TMEM248: variants seen among roughly 807,000 people sequenced by gnomAD.
The protein encoded by TMEM248 is UPF0458 protein C7orf42.
A neutral mutation model predicts 30.3 loss-of-function variants in TMEM248; 9 were observed. That is an observed-to-expected ratio of 0.30 (90% CI 0.18 to 0.52). TMEM248 has a LOEUF of 0.52. Among genes scored for constraint, TMEM248 ranks in the 20% least tolerant of loss-of-function variants. The pLI is 0.97. For missense variants in TMEM248, 338 were observed against 403.3 expected (o/e 0.84, Z 1.39); for synonymous variants, 184 against 154.4 (o/e 1.19, Z -1.42).
chr7:66,948,014 A>G (rs1792157412), intron 3 of TMEM248, among the ~76,000 whole-genome samples: 1 of 152,030 alleles, frequency 6.6e-6, no homozygotes, highest in Non-Finnish European at 1.5e-5. Flanking sequence ...AGCCTTCTAA[A>G]GTCAAAGTGC....
chr7:66,931,603 C>G (rs150086265), intron 1 of TMEM248, among the ~76,000 whole-genome samples: 1 of 151,712 alleles, frequency 6.6e-6, no homozygotes, highest in Admixed American at 6.6e-5. Context: ...TCCCAAGTAG[C>G]TGGGCCATTG....
At chr7:66,923,031 C>T (rs115105432) in intron 1 of TMEM248, among the ~76,000 whole-genome samples, 324 of 152,224 alleles carry the variant, frequency 2.1e-3, no homozygotes, top group African/African-American at 7.1e-3. Flanking sequence ...TTAATAGTTT[C>T]TGCCTGTAAG....
intron 5 of TMEM248, among the ~76,000 whole-genome samples, chr7:66,951,717 G>A (rs201504567): frequency 1.3e-5 from 2 of 151,850 alleles, no homozygotes; most frequent in East Asian, 1.9e-4. Flanking sequence ...TTGCTCTGTC[G>A]CCCAGATTGG....
At chr7:66,922,104 C>G (rs1461000361) in intron 1 of TMEM248, 2 of 152,158 alleles carry the variant, frequency 1.3e-5, no homozygotes, top group African/African-American at 4.8e-5. Context: ...GTGAGGAGGC[C>G]TTTGTGGAAG....
Position 66,935,462 on chromosome 7 carries a change from C to T in TMEM248, c.-18-6386C>T, listed in dbSNP as rs577133216. ...CCTCCCAAAGTGTTGGGATTACAGG[C>T]GTGAGCCACTGCGTCTGGCCCCATT... On this transcript the variant is annotated intron_variant, in intron 1 of 6. Coordinates refer to ENST00000341567, the MANE Select transcript of TMEM248 (RefSeq NM_017994.5). Among the ~76,000 whole-genome samples, 14 of 152,312 alleles carry T rather than the reference C, an allele frequency of 9.2e-5. No individual in the cohort carries two copies. The South Asian group carries it at 2.5e-3, about 27-fold the overall frequency.
chr7:66,937,078 C>A (rs1791825325), intron 1 of TMEM248, among the ~76,000 whole-genome samples: 1 of 151,970 alleles, frequency 6.6e-6, no homozygotes, highest in Non-Finnish European at 1.5e-5. Context: ...CTTAGTATTG[C>A]TTTCACTGGA....
intron 1 of TMEM248, chr7:66,921,836 C>T (rs2129219171): frequency 6.6e-6 from 1 of 152,372 alleles, no homozygotes; most frequent in African/African-American, 2.4e-5. Flanking sequence ...GGCAGTGAAA[C>T]ACATCTCAGA....
At chr7:66,927,823 T>C (rs1195437697) in intron 1 of TMEM248, among the ~76,000 whole-genome samples, 4 of 152,132 alleles carry the variant, frequency 2.6e-5, no homozygotes, top group Non-Finnish European at 5.9e-5. Flanking sequence ...TTGTATCACA[T>C]TAAGAAACAA....
At chr7:66,935,715 A>AT (rs747789110) in intron 1 of TMEM248, among the ~76,000 whole-genome samples, 52 of 150,738 alleles carry the variant, frequency 3.4e-4, no homozygotes, top group East Asian at 1.6e-3. Flanking sequence ...GCTAATTTTT[A>AT]TTTTTTTTAG....
intron 3 of TMEM248, among the ~76,000 whole-genome samples, chr7:66,948,050 G>A (rs1032922277): frequency 6.6e-5 from 10 of 152,160 alleles, no homozygotes; most frequent in Non-Finnish European, 1.5e-4. Flanking sequence ...GAACCACTGT[G>A]CCTGGCAATA....
rs1358686713 is a variant in TMEM248, at chr7:66,957,002, A to C, written c.*1480A>C. ...CTTACACCATTTTGTTTGATTGTCT[A>C]GTCCCTGTTTCTTTTTCTTTCTAAT... On this transcript the variant is annotated 3_prime_UTR_variant, in exon 7 of 7. Coordinates refer to ENST00000341567, the MANE Select transcript of TMEM248 (RefSeq NM_017994.5). 1 of 152,620 alleles carries C rather than the reference A, an allele frequency of 6.6e-6. No individual in the cohort carries two copies. The highest frequency in any genetic ancestry group is 1.5e-5 in the Non-Finnish European group (1 of 68,032). The allele number at this position is 152,620 out of a possible 1,614,324, so 9.5% of individuals were successfully genotyped here. A position where few individuals can be genotyped will look rare whatever the true frequency, so the allele number is the denominator to read the frequency against.
chr7:66,950,915 C>T (rs1391349022), intron 4 of TMEM248, 37 bp from the exon 5 acceptor site: 1 of 1,503,808 alleles, frequency 6.6e-7, no homozygotes, highest in African/African-American at 1.4e-5. Flanking sequence ...ACTCAGGCCA[C>T]TGAGCACGTG....
intron 2 of TMEM248, among the ~76,000 whole-genome samples, chr7:66,943,656 AGAATGGTCAGTTGAGTTTGTAGGTG>A (rs1308232163): frequency 6.8e-4 from 103 of 152,306 alleles, no homozygotes; most frequent in Admixed American, 2.2e-3. Context: ...CTAATGTACT[AGAATGGTCAGTTGAGTTTGTAGGTG>A]TTAGGGAAAA....
At chr7:66,947,644 C>T (rs967307178) in intron 3 of TMEM248, among the ~76,000 whole-genome samples, 30 of 151,774 alleles carry the variant, frequency 2.0e-4, no homozygotes, top group Non-Finnish European at 3.0e-4. Context: ...TCAAATGATC[C>T]GCCCGCCTCA....
At chr7:66,938,797 T>C (rs1455666143) in intron 1 of TMEM248, among the ~76,000 whole-genome samples, 3 of 152,226 alleles carry the variant, frequency 2.0e-5, no homozygotes, top group Non-Finnish European at 4.4e-5. Context: ...TGAGCCACTG[T>C]GCCTGGCTTC....
At chr7:66,930,801 C>G (rs1187618421) in intron 1 of TMEM248, 1 of 152,572 alleles carries the variant, frequency 6.6e-6, no homozygotes, top group Non-Finnish European at 1.5e-5. Context: ...TAACCCCGGC[C>G]TTAAAGCTCT....
In TMEM248 at chr7:66,941,564, AC is replaced by A. The variant is rs1340466317; in HGVS notation, c.-18-283del. ...AACGAGAGACCCTGTTTCTTAAAAC[AC>A]ACACACACACACACACACACACACA... On this transcript the variant is annotated intron_variant, in intron 1 of 6. Transcript: ENST00000341567. Among the ~76,000 whole-genome samples the A allele has an allele frequency of 4.5e-5, 3 of 66,026 alleles. No homozygotes were observed. In the East Asian group the frequency reaches 2.3e-3, roughly 50 times the overall value. The allele number at this position is 66,026 out of a possible 152,430, so 43.3% of individuals were successfully genotyped here.
At chr7:66,953,082 A>G in intron 5 of TMEM248, 144 bp from the exon 6 acceptor site, 1 of 896,474 alleles carries the variant, frequency 1.1e-6, no homozygotes, top group South Asian at 1.7e-5. Flanking sequence ...TTAGGAGGCA[A>G]AAGGAGAAAC....
intron 1 of TMEM248, among the ~76,000 whole-genome samples, chr7:66,924,970 A>C (rs1039804976): frequency 6.6e-6 from 1 of 151,918 alleles, no homozygotes. Context: ...TGGCCTCTCA[A>C]AGTGCTGGGA....
Sources: allele counts gnomAD v4.1 joint callset (sites outside exome capture counted in the v4.1 genomes callset), GRCh38; gene constraint gnomAD v4.1.1; transcripts MANE v1.5; gene names NCBI Gene and HGNC (gene_info 2026-07-23, HGNC 2026-07-21).